TOMM6: variants seen among roughly 807,000 people sequenced by gnomAD.
TOMM6 encodes translocase of outer mitochondrial membrane 6, also known as mitochondrial import receptor subunit TOM6 homolog.
TOMM6 carries 6 observed loss-of-function variants against 6.0 expected under a neutral mutation model. The ratio of observed to expected loss-of-function variants is 1.00; its 90% CI spans 0.55 to 1.98. The LOEUF (loss-of-function observed/expected upper bound fraction) is 1.98, where lower values mean the gene tolerates loss of function less well. Ranked by LOEUF, TOMM6 falls within the 30% of genes most tolerant of loss-of-function variation. The pLI is 0.00. For missense variants in TOMM6, 104 were observed against 95.3 expected (o/e 1.09, Z -0.38); for synonymous variants, 44 against 36.3 (o/e 1.21, Z -0.76).
intron 1 of TOMM6, 137 bp from the exon 2 acceptor site, chr6:41,789,095 C>G (rs2127310482): frequency 2.6e-6 from 2 of 782,820 alleles, no homozygotes; most frequent in East Asian, 5.5e-5. Context: ...CCACGTGGGT[C>G]TTGAGCAACC....
In TOMM6 at chr6:41,787,822, G is replaced by A. The variant is rs2127308867; in HGVS notation, c.125G>A (p.Arg42Gln). The change falls in exon 1 of 3, where the codon CGG becomes CAG. Residue 42 changes from arginine (R) to glutamine (Q), a missense_variant. Physicochemically the swap from Arg to Gln is conservative, Grantham distance 43. Coordinates refer to ENST00000398881, the MANE Select transcript of TOMM6 (RefSeq NM_001382294.1). ...TTTGCCACTGATAGGAATGACTTCC[G>A]GAGGTAACCGAGCCCGAGGAACTTG... Reference protein sequence around the residue: ...YRFATDRNDFRRNLILNLGLF... With the variant: ...YRFATDRNDFQRNLILNLGLF... 1 of 1,551,742 alleles carries A rather than the reference G, an allele frequency of 6.4e-7. No homozygotes were observed. Among genetic ancestry groups the A allele is most frequent in the Non-Finnish European group, 8.7e-7 (1 of 1,146,978 alleles).
chr6:41,787,884 C>G (rs1262131003), intron 1 of TOMM6, 59 bp downstream of exon 1: 1 of 1,533,060 alleles, frequency 6.5e-7, no homozygotes, highest in South Asian at 1.2e-5. Flanking sequence ...TTTCCCCTTT[C>G]TTGCGAGGCT....
rs1323049241 is a variant in TOMM6, at chr6:41,787,836, C to T, written c.128+11C>T. 3.2e-6 allele frequency: 5 copies of T among 1,551,520 alleles called. No individual in the cohort carries two copies. Among genetic ancestry groups the T allele is most frequent in the South Asian group, 1.2e-5 (1 of 84,064 alleles). ...GAATGACTTCCGGAGGTAACCGAGC[C>T]CGAGGAACTTGGTCCTTTTCTGGCC... On this transcript the variant is annotated intron_variant, in intron 1 of 2. Coordinates refer to ENST00000398881, the MANE Select transcript of TOMM6 (RefSeq NM_001382294.1).
At chr6:41,788,223 C>T (rs1772718613) in intron 1 of TOMM6, among the ~76,000 whole-genome samples, 1 of 149,482 alleles carries the variant, frequency 6.7e-6, no homozygotes, top group Non-Finnish European at 1.5e-5. Context: ...CGGCTCACTG[C>T]AAGCTCCGCC....
Position 41,789,612 on chromosome 6 carries a change from C to T in TOMM6, c.*53C>T. On this transcript the variant is annotated 3_prime_UTR_variant, in exon 3 of 3. Coordinates refer to ENST00000398881, the MANE Select transcript of TOMM6 (RefSeq NM_001382294.1). ...GAACCCGAATCTTCCAAAAAACAGC[C>T]TACAATCTGTGACCACCACAAGATG... 1 of 338,250 alleles carries T rather than the reference C, an allele frequency of 3.0e-6. No individual in the cohort carries two copies. Among genetic ancestry groups the T allele is most frequent in the South Asian group, 3.2e-5 (1 of 31,450 alleles). The allele number at this position is 338,250 out of a possible 1,614,324, so 21.0% of individuals were successfully genotyped here.
chr6:41,788,442 CCTTTT>C (rs1772726160), intron 1 of TOMM6, among the ~76,000 whole-genome samples: 1 of 81,226 alleles, frequency 1.2e-5, no homozygotes, highest in Non-Finnish European at 2.4e-5. Context: ...CCACGCCCGG[CCTTTT>C]TTTTTTTTTT....
At chr6:41,789,469 G>GT in intron 2 of TOMM6, 99 bp from the exon 3 acceptor site, 1 of 698,946 alleles carries the variant, frequency 1.4e-6, no homozygotes, top group Non-Finnish European at 2.4e-6. Flanking sequence ...AGTTAAATGT[G>GT]TTTTCAGATG....
chr6:41,789,892 G>C lies in TOMM6; in HGVS notation c.*333G>C, dbSNP rs1450601742. The C allele has an allele frequency of 6.6e-6, 1 of 152,050 alleles. No individual in the cohort carries two copies. Among genetic ancestry groups the C allele is most frequent in the Non-Finnish European group, 1.5e-5 (1 of 68,024 alleles). 9.4% of individuals were successfully genotyped at this position (152,050 alleles called of 1,614,324 possible). On this transcript the variant is annotated 3_prime_UTR_variant, in exon 3 of 3. Coordinates refer to ENST00000398881, the MANE Select transcript of TOMM6 (RefSeq NM_001382294.1). Reference sequence around the variant, plus strand: ...ATTTGAAATAAATACCGCACACAAAGGCAGTCATTTTATTCTTTTAATAAG... The same window carrying C: ...ATTTGAAATAAATACCGCACACAAACGCAGTCATTTTATTCTTTTAATAAG...
At chr6:41,787,851 C>G (rs1196347813) in intron 1 of TOMM6, 26 bp downstream of exon 1, 20 of 1,550,954 alleles carry the variant, frequency 1.3e-5, no homozygotes, top group African/African-American at 2.7e-5. Flanking sequence ...GAACTTGGTC[C>G]TTTTCTGGCC....
chr6:41,787,851 C>T (rs1196347813), intron 1 of TOMM6, 26 bp downstream of exon 1: 2 of 1,551,072 alleles, frequency 1.3e-6, no homozygotes, highest in Non-Finnish European at 1.7e-6. Context: ...GAACTTGGTC[C>T]TTTTCTGGCC....
intron 1 of TOMM6, 145 bp downstream of exon 1, chr6:41,787,970 C>T (rs41273794): frequency 0.26 from 299,749 of 1,166,904 alleles, 42,419 homozygotes; most frequent in Middle Eastern, 0.34. Context: ...GGCTGTGCCT[C>T]ACTGAGATCC....
chr6:41,787,805 T>C lies in TOMM6; in HGVS notation c.108T>C (p.Thr36=), dbSNP rs1459623039. Residue 36 remains threonine, a synonymous_variant, in exon 1 of 3, where the codon ACT becomes ACC. Coordinates refer to ENST00000398881, the MANE Select transcript of TOMM6 (RefSeq NM_001382294.1). ...DWLRGVYRFA[T]DRNDFRRNLI... is the part of the protein sequence containing the mutation. The stretch of plus-strand genomic sequence containing the variant: ...TTCGGGGCGTCTACCGCTTTGCCAC[T>C]GATAGGAATGACTTCCGGAGGTAAC... 4 of 1,551,778 alleles carry C rather than the reference T, an allele frequency of 2.6e-6. No homozygotes were observed. The highest frequency in any genetic ancestry group is 2.4e-5 in the East Asian group (1 of 40,926).
chr6:41,787,794 C>A lies in TOMM6; in HGVS notation c.97C>A (p.Arg33Ser), dbSNP rs774818988. The change falls in exon 1 of 3, where the codon CGC becomes AGC. Residue 33 changes from arginine (R) to serine (S), a missense_variant. Coordinates refer to ENST00000398881, the MANE Select transcript of TOMM6 (RefSeq NM_001382294.1). Reference protein sequence around the residue: ...NVGDWLRGVYRFATDRNDFRR... With the variant: ...NVGDWLRGVYSFATDRNDFRR... Reference sequence around the variant, plus strand: ...GGGAGATTGGCTTCGGGGCGTCTACCGCTTTGCCACTGATAGGAATGACTT... The same window carrying A: ...GGGAGATTGGCTTCGGGGCGTCTACAGCTTTGCCACTGATAGGAATGACTT... 3 of 1,551,652 alleles carry A rather than the reference C, an allele frequency of 1.9e-6. No homozygotes were observed. Among genetic ancestry groups the A allele is most frequent in the Non-Finnish European group, 2.6e-6 (3 of 1,147,018 alleles).
chr6:41,789,095 C>T, intron 1 of TOMM6, 137 bp from the exon 2 acceptor site: 1 of 782,820 alleles, frequency 1.3e-6, no homozygotes, highest in Non-Finnish European at 2.1e-6. Context: ...CCACGTGGGT[C>T]TTGAGCAACC....
intron 1 of TOMM6, 62 bp from the exon 2 acceptor site, chr6:41,789,170 T>C: frequency 7.0e-7 from 1 of 1,437,694 alleles, no homozygotes. Context: ...CCCCAGTACA[T>C]TTCGTTAACT....
chr6:41,789,620 T>G lies in TOMM6; in HGVS notation c.*61T>G, dbSNP rs1772758316. ...ATCTTCCAAAAAACAGCCTACAATC[T>G]GTGACCACCACAAGATGTGCCCTGA... On this transcript the variant is annotated 3_prime_UTR_variant, in exon 3 of 3. Transcript: ENST00000398881. The G allele has an allele frequency of 3.0e-6, 1 of 327,962 alleles. No individual in the cohort carries two copies. Among genetic ancestry groups the G allele is most frequent in the African/African-American group, 2.1e-5 (1 of 47,618 alleles). The allele number at this position is 327,962 out of a possible 1,614,324, so 20.3% of individuals were successfully genotyped here. A position where few individuals can be genotyped will look rare whatever the true frequency, so the allele number is the denominator to read the frequency against.
Position 41,789,686 on chromosome 6 carries a change from C to A in TOMM6, c.*127C>A. On this transcript the variant is annotated 3_prime_UTR_variant, in exon 3 of 3. Transcript: ENST00000398881. The stretch of plus-strand genomic sequence containing the variant: ...GATTCAGATGGGCACTTTTCTTCCC[C>A]TTCCCTGCCTAGTTTCCTTTTGTTC... The A allele has an allele frequency of 4.2e-6, 1 of 238,362 alleles. No individual in the cohort carries two copies. 14.8% of individuals were successfully genotyped at this position (238,362 alleles called of 1,614,324 possible). A position where few individuals can be genotyped will look rare whatever the true frequency, so the allele number is the denominator to read the frequency against.
chr6:41,787,715 C>A lies in TOMM6; in HGVS notation c.18C>A (p.Val6=), dbSNP rs560954650. The A allele has an allele frequency of 4.5e-6, 7 of 1,551,704 alleles. No individual in the cohort carries two copies. In the South Asian group the frequency reaches 4.8e-5, roughly 11 times the overall value. Residue 6 remains valine (V), a synonymous_variant, in exon 1 of 3, where the codon GTC becomes GTA. Transcript: ENST00000398881. The stretch of plus-strand genomic sequence containing the variant: ...TTTCCACTATGGCTTCCAGCACTGT[C>A]CCGGTGAGCGCTGCTGGCTCGGCTA... The part of the protein sequence containing the change: MASST[V]PVSAAGSANE...
Position 41,789,776 on chromosome 6 carries a change from A to C in TOMM6, c.*217A>C, listed in dbSNP as rs1772761402. 5.7e-6 allele frequency: 1 copy of C among 176,684 alleles called. No individual in the cohort carries two copies. The highest frequency in any genetic ancestry group is 2.3e-5 in the African/African-American group (1 of 42,724). The allele number at this position is 176,684 out of a possible 1,614,324, so 10.9% of individuals were successfully genotyped here. ...AGGCTTAAGCTAAAGTATTGCCTCTATTCTGTAAAGTTCTGTACATAGTTC... is the reference window on the plus strand; with the variant it reads ...AGGCTTAAGCTAAAGTATTGCCTCTCTTCTGTAAAGTTCTGTACATAGTTC... On this transcript the variant is annotated 3_prime_UTR_variant, in exon 3 of 3. Transcript: ENST00000398881.
Sources: allele counts gnomAD v4.1 joint callset (sites outside exome capture counted in the v4.1 genomes callset), GRCh38; gene constraint gnomAD v4.1.1; transcripts MANE v1.5; gene names NCBI Gene and HGNC (gene_info 2026-07-23, HGNC 2026-07-21).